CSMD3: variants seen among roughly 807,000 people sequenced by gnomAD.
The protein encoded by CSMD3 is CUB and sushi domain-containing protein 3.
CSMD3 carries 177 observed loss-of-function variants against 435.2 expected under a neutral mutation model. The ratio of observed to expected loss-of-function variants is 0.41; its 90% CI spans 0.36 to 0.46. CSMD3 has a LOEUF of 0.46. Among genes scored for constraint, CSMD3 ranks in the 20% least tolerant of loss-of-function variants. The probability of loss-of-function intolerance (pLI) is 0.34; values close to 1 mark genes in which losing one functional copy is unlikely to be tolerated. For synonymous variants in CSMD3, 1,656 were observed against 1,520.5 expected, an observed-to-expected ratio of 1.09 and a Z score of -2.07; for missense variants, 4,265 against 4,504.6, an observed-to-expected ratio of 0.95 and a Z score of 1.52.
At chr8:112,508,175 A>G (rs747886405) in intron 28 of CSMD3, among the ~76,000 whole-genome samples, 21 of 152,088 alleles carry the variant, frequency 1.4e-4, no homozygotes, top group Non-Finnish European at 3.1e-4. Flanking sequence ...GGCTTTCTCC[A>G]CTTTGTCCAC....
At chr8:112,486,372 T>C (rs1820136268) in intron 31 of CSMD3, among the ~76,000 whole-genome samples, 1 of 152,122 alleles carries the variant, frequency 6.6e-6, no homozygotes, top group African/African-American at 2.4e-5. Flanking sequence ...TGTGTGACTT[T>C]GAACTAGTGG....
intron 63 of CSMD3, 149 bp downstream of exon 63, chr8:112,254,104 C>A: frequency 1.5e-6 from 1 of 657,700 alleles, no homozygotes; most frequent in Non-Finnish European, 2.7e-6. Flanking sequence ...CCTTTACTTC[C>A]ACTCTTTTGC....
At chr8:112,932,952 T>C (rs1564120071) in intron 9 of CSMD3, among the ~76,000 whole-genome samples, 1 of 152,170 alleles carries the variant, frequency 6.6e-6, no homozygotes, top group Non-Finnish European at 1.5e-5. Flanking sequence ...GTGTTCCCCA[T>C]AAACATGTAC....
At chr8:113,337,601 G>A (rs554938030) in intron 1 of CSMD3, among the ~76,000 whole-genome samples, 2 of 152,054 alleles carry the variant, frequency 1.3e-5, no homozygotes, top group Admixed American at 1.3e-4. Flanking sequence ...GACACTGAAA[G>A]CACAAGAGAA....
chr8:112,747,254 G>A (rs931072931), intron 13 of CSMD3, among the ~76,000 whole-genome samples: 2 of 106,008 alleles, frequency 1.9e-5, no homozygotes, highest in African/African-American at 4.1e-5. Context: ...TGTAAAAGTC[G>A]TAGCCCTGGT....
intron 4 of CSMD3, among the ~76,000 whole-genome samples, chr8:113,127,381 C>T (rs1211457072): frequency 6.6e-6 from 1 of 152,002 alleles, no homozygotes; most frequent in African/African-American, 2.4e-5. Flanking sequence ...TTCATTTAAT[C>T]AGCCATCCTT....
chr8:112,395,376 T>G (rs984513195), intron 35 of CSMD3, among the ~76,000 whole-genome samples: 2 of 152,170 alleles, frequency 1.3e-5, no homozygotes, highest in African/African-American at 4.8e-5. Context: ...TGCTATTTAT[T>G]ATTGTATTTA....
chr8:112,838,922 GACA>G (rs2080103559), intron 11 of CSMD3, among the ~76,000 whole-genome samples: 1 of 151,706 alleles, frequency 6.6e-6, no homozygotes, highest in Non-Finnish European at 1.5e-5. Flanking sequence ...CTTAAACTAT[GACA>G]CATCAGAATT....
chr8:112,241,936 C>A, intron 65 of CSMD3, 151 bp from the exon 66 acceptor site: 1 of 698,766 alleles, frequency 1.4e-6, no homozygotes, highest in East Asian at 2.7e-5. Context: ...TAAAATGTTC[C>A]GTTCATCACA....
intron 1 of CSMD3, among the ~76,000 whole-genome samples, chr8:113,415,734 C>T (rs7831926): frequency 0.47 from 70,663 of 151,848 alleles, 16,800 homozygotes; most frequent in Middle Eastern, 0.55. Context: ...ACCCATTAAA[C>T]AATTTTATTT....
intron 3 of CSMD3, among the ~76,000 whole-genome samples, chr8:113,226,808 C>T (rs1349893221): frequency 6.6e-6 from 1 of 151,552 alleles, no homozygotes; most frequent in African/African-American, 2.4e-5. Context: ...TCTGCAACTG[C>T]TTCCTTATAT....
At chr8:113,350,400 A>G (rs1315668941) in intron 1 of CSMD3, among the ~76,000 whole-genome samples, 1 of 152,148 alleles carries the variant, frequency 6.6e-6, no homozygotes, top group Non-Finnish European at 1.5e-5. Flanking sequence ...TATTTCTCCA[A>G]TCGTGGTAAG....
chr8:112,918,622 T>C (rs1338990127), intron 10 of CSMD3, among the ~76,000 whole-genome samples: 1 of 151,916 alleles, frequency 6.6e-6, no homozygotes, highest in Non-Finnish European at 1.5e-5. Flanking sequence ...ATCTACTGCA[T>C]ATCCAACAAG....
In CSMD3 at chr8:112,423,161, C is replaced by T. The variant is rs181846430; in HGVS notation, c.5396-14129G>A. Among the ~76,000 whole-genome samples the T allele has an allele frequency of 4.7e-3, 711 of 151,876 alleles. 5 individuals are homozygous for T. The highest frequency in any genetic ancestry group is 0.016 in the African/African-American group (680 of 41,416). On this transcript the variant is annotated intron_variant, in intron 32 of 70. Coordinates refer to ENST00000297405, the MANE Select transcript of CSMD3 (RefSeq NM_198123.2). ...GTTATTTTTTTTTTCTTTTCAGAAACAGTCTTAAACAATATCATCCATAAC... is the reference window on the plus strand; with the variant it reads ...GTTATTTTTTTTTTCTTTTCAGAAATAGTCTTAAACAATATCATCCATAAC...
intron 5 of CSMD3, among the ~76,000 whole-genome samples, chr8:113,035,545 A>G (rs950283361): frequency 2.0e-5 from 3 of 152,052 alleles, no homozygotes; most frequent in African/African-American, 4.8e-5. Context: ...GGCATGAGGT[A>G]AATATTTAAT....
At chr8:113,195,719 A>C (rs989827029) in intron 3 of CSMD3, among the ~76,000 whole-genome samples, 1 of 148,202 alleles carries the variant, frequency 6.7e-6, no homozygotes, top group Non-Finnish European at 1.5e-5. Context: ...TTTACTATTC[A>C]TATCTATAAC....
intron 35 of CSMD3, among the ~76,000 whole-genome samples, chr8:112,396,792 T>A (rs1158478530): frequency 1.3e-5 from 2 of 152,146 alleles, no homozygotes; most frequent in Non-Finnish European, 2.9e-5. Flanking sequence ...AAATTATACA[T>A]AATACAGTTC....
intron 11 of CSMD3, among the ~76,000 whole-genome samples, chr8:112,831,721 A>C (rs1464356445): frequency 6.6e-6 from 1 of 152,000 alleles, no homozygotes; most frequent in African/African-American, 2.4e-5. Context: ...AGAATTCTTT[A>C]TATTGGTGAT....
intron 1 of CSMD3, among the ~76,000 whole-genome samples, chr8:113,411,128 T>A (rs781189497): frequency 3.3e-5 from 5 of 152,084 alleles, no homozygotes; most frequent in Non-Finnish European, 5.9e-5. Context: ...AGAAAGCTAT[T>A]TGTCAAATAG....
Sources: gnomAD v4.1 joint callset for allele counts (sites outside exome capture counted in the v4.1 genomes callset) on GRCh38, gnomAD v4.1.1 for gene constraint, MANE v1.5 for transcripts, NCBI Gene and HGNC (gene_info 2026-07-23, HGNC 2026-07-21) for gene names.